KAT6A: variants seen among roughly 807,000 people sequenced by gnomAD.
The protein encoded by KAT6A is lysine acetyltransferase 6A.
In KAT6A, 9 loss-of-function variants were observed where a neutral mutation model predicts 198.4. The observed-to-expected ratio is 0.05, with a 90% confidence interval of 0.03 to 0.08. The LOEUF (loss-of-function observed/expected upper bound fraction) is 0.08. KAT6A is among the 10% of genes least tolerant of loss of function. The pLI, the probability that KAT6A is intolerant of heterozygous loss-of-function variation, is 1.00. For missense variants in KAT6A, 2,077 were observed against 2,509.9 expected, an observed-to-expected ratio of 0.83 and a Z score of 3.69; for synonymous variants, 890 against 883.0, an observed-to-expected ratio of 1.01 and a Z score of -0.14.
rs1378182814 is a variant in KAT6A, at chr8:41,930,999, G to A, written c.*1206C>T. 4.7e-6 allele frequency: 1 copy of A among 211,992 alleles called. No individual in the cohort carries two copies. The highest frequency in any genetic ancestry group is 9.5e-6 in the Non-Finnish European group (1 of 104,772). The allele number at this position is 211,992 out of a possible 1,614,324, so 13.1% of individuals were successfully genotyped here. A position where few individuals can be genotyped will look rare whatever the true frequency, so the allele number is the denominator to read the frequency against. On this transcript the variant is annotated 3_prime_UTR_variant, in exon 17 of 17. Transcript: ENST00000265713. ...AAAGACATACAAAAACTAGAGGTAT[G>A]TATCACTTAAATAGCTACGAAACTC...
chr8:42,016,166 A>G (rs1826263539), intron 2 of KAT6A, among the ~76,000 whole-genome samples: 1 of 152,214 alleles, frequency 6.6e-6, no homozygotes, highest in Non-Finnish European at 1.5e-5. Flanking sequence ...ACAGGTGTAG[A>G]GGTGGGAATT....
chr8:42,051,589 G>C (rs1051316042), intron 1 of KAT6A, among the ~76,000 whole-genome samples: 5 of 145,426 alleles, frequency 3.4e-5, no homozygotes, highest in Admixed American at 2.7e-4. Flanking sequence ...GGCTCCCCCA[G>C]GGCGGGCCCG....
intron 3 of KAT6A, among the ~76,000 whole-genome samples, chr8:41,985,827 T>C (rs1824573431): frequency 6.6e-6 from 1 of 152,252 alleles, no homozygotes; most frequent in Admixed American, 6.5e-5. Context: ...TTCTGTTTTC[T>C]GAACTAAATC....
At position 41,955,373 on chromosome 8, in the gene KAT6A, G is replaced by A. The variant is rs1822872531; in HGVS notation, c.1521C>T (p.Arg507=). Residue 507 remains arginine, a synonymous_variant, in exon 9 of 17, where the codon CGC becomes CGT. Transcript: ENST00000265713. ...TCCCAAACTCAATGACAGAGGGACA[G>A]CGGACTTGTGGATCAGGGGGACCAG... is the stretch of plus-strand genomic sequence containing the variant. ...GVTGPPDPQV[R]CPSVIEFGKY... is the part of the protein sequence containing the mutation. 1 of 1,612,932 alleles carries A rather than the reference G, an allele frequency of 6.2e-7. No homozygotes were observed. The highest frequency in any genetic ancestry group is 1.3e-5 in the African/African-American group (1 of 74,816).
chr8:41,941,661 T>C (rs1157731799), intron 14 of KAT6A, among the ~76,000 whole-genome samples: 2 of 152,208 alleles, frequency 1.3e-5, no homozygotes, highest in Non-Finnish European at 2.9e-5. Flanking sequence ...TATGAAGTAT[T>C]ACCACTACAA....
chr8:42,028,686 T>G (rs1826964234), intron 2 of KAT6A, among the ~76,000 whole-genome samples: 1 of 152,254 alleles, frequency 6.6e-6, no homozygotes, highest in South Asian at 2.1e-4. Context: ...TCAGTTTATC[T>G]ACATATTTTA....
chr8:41,987,262 G>A (rs1178478536), intron 3 of KAT6A, among the ~76,000 whole-genome samples, 193 bp downstream of exon 3: 9 of 152,124 alleles, frequency 5.9e-5, no homozygotes, highest in Admixed American at 5.9e-4. Flanking sequence ...CTTGGTTTGT[G>A]TCAGAACACT....
intron 2 of KAT6A, among the ~76,000 whole-genome samples, chr8:41,990,176 G>A (rs1245099959): frequency 1.3e-5 from 2 of 152,114 alleles, no homozygotes; most frequent in African/African-American, 2.4e-5. Context: ...GGAATAGTAC[G>A]GCCAAGATTT....
intron 8 of KAT6A, among the ~76,000 whole-genome samples, chr8:41,971,684 C>T (rs1823803453): frequency 1.3e-5 from 2 of 150,952 alleles, no homozygotes; most frequent in South Asian, 4.2e-4. Flanking sequence ...TGGTATAATC[C>T]AACCTACGTT....
chr8:42,018,366 C>A (rs1478876956), intron 2 of KAT6A, among the ~76,000 whole-genome samples: 4 of 151,966 alleles, frequency 2.6e-5, no homozygotes, highest in Admixed American at 2.0e-4. Flanking sequence ...CAAAAATTAG[C>A]CAGGTGTGGT....
rs1387183518 is a variant in KAT6A, at chr8:42,049,120, T to C, written c.-143A>G. Reference sequence around the variant, plus strand: ...GTTTTCTGGCCTAAGTCCTTCCTCCTTTCACAAAACAGAATGCCACCCCAA... The same window carrying C: ...GTTTTCTGGCCTAAGTCCTTCCTCCCTTCACAAAACAGAATGCCACCCCAA... On this transcript the variant is annotated 5_prime_UTR_variant, in exon 2 of 17. Transcript: ENST00000265713. 2 of 833,014 alleles carry C rather than the reference T, an allele frequency of 2.4e-6. No individual in the cohort carries two copies. Among genetic ancestry groups the C allele is most frequent in the Non-Finnish European group, 3.8e-6 (2 of 531,164 alleles). 51.6% of individuals were successfully genotyped at this position (833,014 alleles called of 1,614,324 possible).
intron 2 of KAT6A, among the ~76,000 whole-genome samples, chr8:42,013,867 A>G (rs1014600717): frequency 3.9e-5 from 6 of 152,188 alleles, no homozygotes; most frequent in Non-Finnish European, 7.3e-5. Flanking sequence ...TGGATATACA[A>G]CAGAGCAGGG....
In KAT6A at chr8:41,941,461, A is replaced by G; in HGVS notation, c.2437-17T>C. ...CTTTCCCACCTGATTTTAGAAAATA[A>G]AACAATGCTGGTTAATTTTTCAGTC... On this transcript the variant is annotated splice_polypyrimidine_tract_variant and intron_variant, in intron 14 of 16. Transcript: ENST00000265713. 1 of 1,564,560 alleles carries G rather than the reference A, an allele frequency of 6.4e-7. No homozygotes were observed. Among genetic ancestry groups the G allele is most frequent in the Non-Finnish European group, 8.6e-7 (1 of 1,163,354 alleles).
At chr8:42,022,773 CA>C (rs200451231) in intron 2 of KAT6A, among the ~76,000 whole-genome samples, 1 of 151,330 alleles carries the variant, frequency 6.6e-6, no homozygotes, top group Non-Finnish European at 1.5e-5. Flanking sequence ...TTTGTCATCA[CA>C]AAAAAAATTA....
At chr8:41,967,450 C>A in intron 8 of KAT6A, among the ~76,000 whole-genome samples, 1 of 111,272 alleles carries the variant, frequency 9.0e-6, no homozygotes. Context: ...TCCTCCCTCC[C>A]CCCACCCCAC....
chr8:42,017,759 G>C (rs1032836706), intron 2 of KAT6A, among the ~76,000 whole-genome samples: 1 of 152,140 alleles, frequency 6.6e-6, no homozygotes, highest in African/African-American at 2.4e-5. Context: ...TGAGGATTCT[G>C]AACACTGGGA....
intron 8 of KAT6A, among the ~76,000 whole-genome samples, chr8:41,971,655 G>C (rs1823802160): frequency 6.6e-6 from 1 of 151,670 alleles, no homozygotes; most frequent in Non-Finnish European, 1.5e-5. Flanking sequence ...AGACATGAAA[G>C]GTTTTCTAAG....
At chr8:41,974,162 C>T (rs1472579022) in intron 8 of KAT6A, among the ~76,000 whole-genome samples, 1 of 151,974 alleles carries the variant, frequency 6.6e-6, no homozygotes, top group Non-Finnish European at 1.5e-5. Flanking sequence ...ACTGCAACCT[C>T]CATTTCCCCA....
rs140266345 is a variant in KAT6A, at chr8:41,946,867, C to T, written c.1903-183G>A. On this transcript the variant is annotated intron_variant, in intron 11 of 16. Transcript: ENST00000265713. ...GGATAATGTCAAGTCACTGCCATTA[C>T]CCACAAAGCAACCATCCCAGGAGAG... Among the ~76,000 whole-genome samples, 74 of 152,260 alleles carry T rather than the reference C, an allele frequency of 4.9e-4. 2 individuals carry two copies. In the East Asian group the frequency reaches 0.013, roughly 26 times the overall value.
Sources: gnomAD v4.1 joint callset for allele counts (sites outside exome capture counted in the v4.1 genomes callset) on GRCh38, gnomAD v4.1.1 for gene constraint, MANE v1.5 for transcripts, NCBI Gene and HGNC (gene_info 2026-07-23, HGNC 2026-07-21) for gene names.